The following GPHN variants were observed in gnomAD, a reference collection of about 807,000 sequenced individuals.
GPHN encodes the protein gephyrin.
GPHN carries 17 observed loss-of-function variants against 95.5 expected under a neutral mutation model. The observed-to-expected ratio is 0.18, with a 90% CI of 0.12 to 0.27. The LOEUF is 0.27. GPHN is among the 10% of genes least tolerant of loss of function. The pLI is 1.00. For synonymous variants in GPHN, 320 were observed against 322.5 expected (o/e 0.99, Z 0.08); for missense variants, 660 against 978.1 (o/e 0.67, Z 4.34).
intron 2 of GPHN, among the ~76,000 whole-genome samples, chr14:66,686,256 T>G (rs903640070): frequency 2.0e-5 from 3 of 152,230 alleles, no homozygotes; most frequent in Non-Finnish European, 4.4e-5. Flanking sequence ...ATATGAACTT[T>G]AAAGTAGTTA....
chr14:67,045,096 T>A lies in GPHN; in HGVS notation c.1007-13553T>A, dbSNP rs527522142. Among the ~76,000 whole-genome samples, 266 of 152,300 alleles carry A rather than the reference T, an allele frequency of 1.7e-3. 1 individual carries two copies. In the Middle Eastern group the frequency reaches 0.044, roughly 25 times the overall value. ...GGGTTTGCTTCTCCCTTGACTCACC[T>A]GTGATCCAGACTTACCGTCTCAATA... On this transcript the variant is annotated intron_variant, in intron 10 of 22. Transcript: ENST00000478722.
intron 9 of GPHN, among the ~76,000 whole-genome samples, chr14:67,016,363 A>AG (rs1300907100): frequency 2.6e-5 from 4 of 152,072 alleles, no homozygotes; most frequent in Non-Finnish European, 5.9e-5. Flanking sequence ...TGCATTAAAT[A>AG]ACAAACTAGG....
At chr14:67,374,326 T>TA in the GPHN span, 5 of 468,150 alleles carry the variant, frequency 1.1e-5, no homozygotes, top group African/African-American at 2.0e-5. Context: ...TTGTAATACT[T>TA]ATGCAGTATT....
the GPHN span, among the ~76,000 whole-genome samples, chr14:67,234,693 G>A: frequency 6.6e-6 from 1 of 152,032 alleles, no homozygotes; most frequent in East Asian, 1.9e-4. Flanking sequence ...GGGATTATAG[G>A]CTTGCACTAC....
At chr14:67,383,784 A>G in the GPHN span, 1 of 299,284 alleles carries the variant, frequency 3.3e-6, no homozygotes, top group Non-Finnish European at 6.6e-6. Context: ...TGCCAGGGGC[A>G]TCCAAGGCAA....
intron 1 of GPHN, among the ~76,000 whole-genome samples, chr14:66,615,473 C>CTTTTTTTTTTTT (rs59401816): frequency 1.5e-5 from 2 of 135,920 alleles, no homozygotes; most frequent in Non-Finnish European, 1.6e-5. Flanking sequence ...TGGTGTTGAG[C>CTTTTTTTTTTTT]TTTTTTTTTT....
intron 9 of GPHN, among the ~76,000 whole-genome samples, chr14:66,994,631 C>G (rs7152001): frequency 0.36 from 54,507 of 152,082 alleles, 14,303 homozygotes; most frequent in African/African-American, 0.73. Flanking sequence ...ACAATGACAA[C>G]ACTCTCAAAC....
At chr14:66,868,663 G>A (rs2063320345) in intron 4 of GPHN, among the ~76,000 whole-genome samples, 1 of 152,096 alleles carries the variant, frequency 6.6e-6, no homozygotes, top group African/African-American at 2.4e-5. Flanking sequence ...CAAGGTGCTG[G>A]AATTACAGGC....
At chr14:67,320,918 A>C in the GPHN span, 9 of 693,212 alleles carry the variant, frequency 1.3e-5, no homozygotes, top group Non-Finnish European at 2.2e-5. Context: ...AATGTTAAAC[A>C]TGTAGGCACT....
At chr14:67,234,229 C>T in the GPHN span, among the ~76,000 whole-genome samples, 1 of 152,128 alleles carries the variant, frequency 6.6e-6, no homozygotes. Context: ...GATTCAAACC[C>T]AGGCAAAGAG....
chr14:67,060,219 G>T (rs2075771118), intron 11 of GPHN, among the ~76,000 whole-genome samples: 1 of 146,448 alleles, frequency 6.8e-6, no homozygotes, highest in South Asian at 2.2e-4. Context: ...AAAAAAAAAA[G>T]AGTTGGAAAT....
intron 8 of GPHN, among the ~76,000 whole-genome samples, chr14:66,950,132 A>C (rs2068013968): frequency 6.6e-6 from 1 of 152,128 alleles, no homozygotes; most frequent in African/African-American, 2.4e-5. Context: ...TACATTGCAT[A>C]TCTAAAGAAA....
chr14:66,562,459 G>A (rs138455025), intron 1 of GPHN, among the ~76,000 whole-genome samples: 6 of 152,036 alleles, frequency 3.9e-5, no homozygotes, highest in Non-Finnish European at 7.4e-5. Flanking sequence ...TTTGTCAATT[G>A]TACCTTAACA....
At chr14:66,746,202 C>G (rs1340696088) in intron 2 of GPHN, among the ~76,000 whole-genome samples, 3 of 152,076 alleles carry the variant, frequency 2.0e-5, no homozygotes, top group Admixed American at 6.6e-5. Context: ...CCCAGATGTA[C>G]AATTGCTGGC....
At chr14:67,670,325 T>C in the GPHN span, among the ~76,000 whole-genome samples, 1 of 152,166 alleles carries the variant, frequency 6.6e-6, no homozygotes, top group Non-Finnish European at 1.5e-5. Context: ...CTGTTTCACC[T>C]GCCCCTCTAC....
chr14:67,395,812 AG>A, the GPHN span, among the ~76,000 whole-genome samples: 1 of 152,170 alleles, frequency 6.6e-6, no homozygotes, highest in African/African-American at 2.4e-5. Flanking sequence ...TAGTTACTGT[AG>A]GGCCTGCCTC....
chr14:67,146,734 G>T (rs1233050286), intron 18 of GPHN, among the ~76,000 whole-genome samples: 1 of 152,176 alleles, frequency 6.6e-6, no homozygotes, highest in African/African-American at 2.4e-5. Flanking sequence ...TGTAGCCTTA[G>T]AATATTTAAA....
intron 2 of GPHN, among the ~76,000 whole-genome samples, chr14:66,701,038 C>A (rs887533036): frequency 6.6e-6 from 1 of 152,166 alleles, no homozygotes; most frequent in African/African-American, 2.4e-5. Flanking sequence ...TTATGCTTGC[C>A]CTGCCCTGCC....
At chr14:67,189,507 G>A in the GPHN span, 3 of 152,274 alleles carry the variant, frequency 2.0e-5, no homozygotes, top group East Asian at 5.8e-4. Flanking sequence ...GTGCTATTTG[G>A]AGGTTATTTT....
Sources: allele counts gnomAD v4.1 joint callset (sites outside exome capture counted in the v4.1 genomes callset), GRCh38; gene constraint gnomAD v4.1.1; transcripts MANE v1.5; gene names NCBI Gene and HGNC (gene_info 2026-07-23, HGNC 2026-07-21).